MYO7B: variants seen among roughly 807,000 people sequenced by gnomAD.
The protein encoded by MYO7B is myosin VIIB.
Under a neutral mutation model 259.7 loss-of-function variants are expected in MYO7B, and 212 were observed. That is an observed-to-expected ratio of 0.82 (90% CI 0.73 to 0.91). The LOEUF is 0.91. Ranked by LOEUF, MYO7B falls within the 40% of genes least tolerant of loss-of-function variation. MYO7B has a pLI of 0.00. For synonymous variants in MYO7B, 1,197 were observed against 1,166.4 expected, an observed-to-expected ratio of 1.03 and a Z score of -0.54; for missense variants, 2,732 against 2,813.5, an observed-to-expected ratio of 0.97 and a Z score of 0.66.
rs1680304020 is a variant in MYO7B, at chr2:127,609,748, G to A, written c.3024+33G>A. The A allele has an allele frequency of 4.3e-6, 7 of 1,613,178 alleles. No homozygotes were observed. The East Asian group carries it at 1.6e-4, about 36-fold the overall frequency. ...GGTTCACTGGCTTCTAGTGGATCAG[G>A]CCAGCCCCGAGCCTGGGGTGTGAGC... is the stretch of plus-strand genomic sequence containing the variant. On this transcript the variant is annotated intron_variant, in intron 23 of 47. Coordinates refer to ENST00000409816, the MANE Select transcript of MYO7B (RefSeq NM_001393586.1). The surrounding 1 kb of genome is among the most constrained non-coding windows in gnomAD (Gnocchi z 6.9).
Position 127,569,898 on chromosome 2 carries a change from C to T in MYO7B, c.580C>T (p.Pro194Ser). 1 of 1,612,462 alleles carries T rather than the reference C, an allele frequency of 6.2e-7. No individual in the cohort carries two copies. The highest frequency in any genetic ancestry group is 8.5e-7 in the Non-Finnish European group (1 of 1,179,162). Residue 194 changes from proline (P) to serine (S), a missense_variant, in exon 6 of 48, where the codon CCC becomes TCC. Coordinates refer to ENST00000409816, the MANE Select transcript of MYO7B (RefSeq NM_001393586.1). Reference protein sequence around the residue: ...WIEQQVLEANPILEAFGNAKT... With the variant: ...WIEQQVLEANSILEAFGNAKT... ...TGAGCAGCAGGTCCTGGAAGCCAAC[C>T]CCATCCTGGAGGGTAAGCATCACTC...
chr2:127,624,365 G>A (rs769221692), intron 30 of MYO7B, 45 bp downstream of exon 30: 28 of 1,522,376 alleles, frequency 1.8e-5, no homozygotes, highest in Middle Eastern at 3.4e-4. Flanking sequence ...TTGCCATCAG[G>A]AAACATCCCA....
chr2:127,607,275 A>T lies in MYO7B; in HGVS notation c.2494A>T (p.Met832Leu). 6.4e-7 allele frequency: 1 copy of T among 1,551,290 alleles called. No individual in the cohort carries two copies. ...SQPLARQYQAMRQRTVQLQAL... is the reference protein window; with the variant it reads ...SQPLARQYQALRQRTVQLQAL... Reference sequence around the variant, plus strand: ...GCCGCTGGCGAGGCAGTACCAGGCCATGCGGCAGAGGACAGTCCAGCTGCA... The same window carrying T: ...GCCGCTGGCGAGGCAGTACCAGGCCTTGCGGCAGAGGACAGTCCAGCTGCA... Residue 832 changes from methionine to leucine, a missense_variant, in exon 21 of 48, where the codon ATG becomes TTG. Met to Leu is a conservative substitution (Grantham distance 15, BLOSUM62 2). Around this residue, in one of 3 missense-constraint regions of MYO7B, gnomAD observed 1,906 missense variants for 2,026.4 expected, o/e 0.94. Transcript: ENST00000409816. The surrounding 1 kb of genome is among the most constrained non-coding windows in gnomAD (Gnocchi z 4.4).
chr2:127,580,320 G>A (rs1468298553), intron 9 of MYO7B, among the ~76,000 whole-genome samples: 1 of 152,162 alleles, frequency 6.6e-6, no homozygotes, highest in East Asian at 1.9e-4. Flanking sequence ...TACAGCTGGA[G>A]CTCCATTAGT....
intron 17 of MYO7B, among the ~76,000 whole-genome samples, chr2:127,593,198 C>T (rs1428965583): frequency 6.6e-6 from 1 of 152,228 alleles, no homozygotes; most frequent in Non-Finnish European, 1.5e-5. Context: ...TGGAACATGT[C>T]TGTAGTTGTA....
intron 14 of MYO7B, among the ~76,000 whole-genome samples, chr2:127,587,425 C>A (rs762448863): frequency 2.0e-5 from 3 of 152,128 alleles, no homozygotes; most frequent in Middle Eastern, 3.2e-3. Context: ...GCTGGAAGTC[C>A]AAGATCAAGG....
At chr2:127,604,359 A>C (rs1294145137) in intron 19 of MYO7B, among the ~76,000 whole-genome samples, 2 of 152,166 alleles carry the variant, frequency 1.3e-5, no homozygotes, top group African/African-American at 4.8e-5. Flanking sequence ...CACAGAATTG[A>C]AGAGAATTAG....
intron 15 of MYO7B, 98 bp from the exon 16 acceptor site, chr2:127,589,994 C>A: frequency 7.3e-7 from 1 of 1,368,178 alleles, no homozygotes; most frequent in Non-Finnish European, 1.0e-6. Context: ...ACCACCCCAC[C>A]TGTGGGGCCT....
At chr2:127,571,314 C>T (rs1421904722) in intron 6 of MYO7B, among the ~76,000 whole-genome samples, 6 of 152,102 alleles carry the variant, frequency 3.9e-5, no homozygotes, top group East Asian at 1.9e-4. Context: ...GTGGCCCTGA[C>T]GACTAAGGAT....
intron 19 of MYO7B, among the ~76,000 whole-genome samples, chr2:127,601,219 G>A (rs1281413734): frequency 1.3e-5 from 2 of 152,208 alleles, no homozygotes; most frequent in Non-Finnish European, 2.9e-5. Flanking sequence ...GTATGTTGAA[G>A]TTTCCTTTAT....
chr2:127,582,438 G>C lies in MYO7B; in HGVS notation c.1335G>C (p.Glu445Asp), dbSNP rs1679139782. The change falls in exon 12 of 48, where the codon GAG becomes GAC. Residue 445 changes from glutamate (E) to aspartate (D), a missense_variant. Glu to Asp is a conservative substitution (Grantham distance 45). Coordinates refer to ENST00000409816, the MANE Select transcript of MYO7B (RefSeq NM_001393586.1). Reference sequence around the variant, plus strand: ...ACATATTTGGCTTTGAAAATTTCGAGAACAATAGGTATGAAGATCTCAGAT... The same window carrying C: ...ACATATTTGGCTTTGAAAATTTCGACAACAATAGGTATGAAGATCTCAGAT... ...LLDIFGFENF[E>D]NNSFEQLCIN... 6.2e-7 allele frequency: 1 copy of C among 1,613,006 alleles called. No individual in the cohort carries two copies. Among genetic ancestry groups the C allele is most frequent in the Admixed American group, 1.7e-5 (1 of 59,930 alleles).
chr2:127,610,062 G>GTGCC, intron 24 of MYO7B, 46 bp downstream of exon 24: 3 of 1,590,774 alleles, frequency 1.9e-6, no homozygotes, highest in Non-Finnish European at 2.6e-6. Flanking sequence ...CACCTACCAG[G>GTGCC]TGCCTACCAG....
At chr2:127,606,584 G>A (rs1338833675) in intron 20 of MYO7B, among the ~76,000 whole-genome samples, 1 of 152,220 alleles carries the variant, frequency 6.6e-6, no homozygotes, top group African/African-American at 2.4e-5. Flanking sequence ...GAGACATAGA[G>A]GGGTTGAGCA....
chr2:127,554,038 C>A (rs1326896102), intron 1 of MYO7B, among the ~76,000 whole-genome samples: 2 of 152,008 alleles, frequency 1.3e-5, no homozygotes, highest in Non-Finnish European at 2.9e-5. Flanking sequence ...GTTTTTAATT[C>A]TATTTATGTG....
At chr2:127,626,677 G>C (rs1162117508) in intron 31 of MYO7B, 2 of 286,468 alleles carry the variant, frequency 7.0e-6, no homozygotes, top group Non-Finnish European at 6.7e-6. Flanking sequence ...TACTCGGGAG[G>C]CTGAGGCAGA....
Position 127,574,000 on chromosome 2 carries a change from G to A in MYO7B, c.673G>A (p.Gly225Arg), listed in dbSNP as rs756819806. 6.2e-6 allele frequency: 10 copies of A among 1,614,034 alleles called. No individual in the cohort carries two copies. Among genetic ancestry groups the A allele is most frequent in the Middle Eastern group, 1.6e-4 (1 of 6,062 alleles). ...KYIDIYFNPS[G>R]VIEGARIEQF... ...CATTGACATCTACTTTAACCCCAGC[G>A]GGGTGATCGAGGGCGCGCGCATCGA... The change falls in exon 7 of 48, where the codon GGG (glycine) becomes AGG (arginine). Residue 225 changes from glycine (G) to arginine (R), a missense_variant. Physicochemically the swap from Gly to Arg is moderately radical, Grantham distance 125 (BLOSUM62 -2). This residue lies in a region of MYO7B where 1,906 missense variants were observed against 2,026.4 expected (regional missense o/e 0.94). Coordinates refer to ENST00000409816, the MANE Select transcript of MYO7B (RefSeq NM_001393586.1).
At chr2:127,596,769 A>C (rs1366015582) in intron 19 of MYO7B, among the ~76,000 whole-genome samples, 1 of 151,940 alleles carries the variant, frequency 6.6e-6, no homozygotes, top group Non-Finnish European at 1.5e-5. Context: ...ACAAAAAAAC[A>C]CTCCATATGC....
intron 47 of MYO7B, 124 bp downstream of exon 47, chr2:127,637,037 C>T: frequency 2.0e-6 from 3 of 1,482,956 alleles, no homozygotes; most frequent in Non-Finnish European, 2.7e-6. Context: ...CCAGGCGGGG[C>T]CAGCAGATCT....
At chr2:127,593,714 GC>G in intron 18 of MYO7B, 70 bp downstream of exon 18, 1 of 1,428,500 alleles carries the variant, frequency 7.0e-7, no homozygotes, top group Non-Finnish European at 9.8e-7. Context: ...CTTGCACCAG[GC>G]CCGGGGTCCA....
Sources: gnomAD v4.1 joint callset for allele counts (sites outside exome capture counted in the v4.1 genomes callset) on GRCh38, gnomAD v4.1.1 for gene constraint, gnomAD v4.1.1 regional missense constraint, Gnocchi (gnomAD v3.1) non-coding constraint, MANE v1.5 for transcripts, NCBI Gene and HGNC (gene_info 2026-07-23, HGNC 2026-07-21) for gene names.